The following SHANK2 variants were observed in gnomAD, a reference collection of about 807,000 sequenced individuals.
SHANK2 encodes SH3 and multiple ankyrin repeat domains protein 2.
Under a neutral mutation model 133.7 loss-of-function variants are expected in SHANK2, and 43 were observed. The ratio of observed to expected loss-of-function variants is 0.32; its 90% CI spans 0.25 to 0.41. The LOEUF is 0.41. SHANK2 is among the 10% of genes least tolerant of loss of function. SHANK2 has a pLI of 1.00. For synonymous variants in SHANK2, 1,017 were observed against 952.8 expected (o/e 1.07, Z -1.24); for missense variants, 1,994 against 2,235.8 (o/e 0.89, Z 2.18).
At position 70,869,394 on chromosome 11, in the gene SHANK2, C is replaced by T. The variant is rs112237758; in HGVS notation, c.1174+27107G>A. ...AGGCCACAGAATGCTTGGGATGCAC[C>T]GATCGGCACGTTATTAAACCCACTG... On this transcript the variant is annotated intron_variant, in intron 11 of 25. Coordinates refer to ENST00000601538, the MANE Select transcript of SHANK2 (RefSeq NM_012309.5). Among the ~76,000 whole-genome samples the T allele has an allele frequency of 4.6e-5, 7 of 152,270 alleles. 1 individual carries two copies. Among genetic ancestry groups the T allele is most frequent in the South Asian group, 4.1e-4 (2 of 4,822 alleles).
At chr11:70,835,282 G>C (rs1948795444) in intron 11 of SHANK2, among the ~76,000 whole-genome samples, 1 of 152,156 alleles carries the variant, frequency 6.6e-6, no homozygotes. Flanking sequence ...TCTGAGAGCT[G>C]AGTGACTGTG....
At chr11:70,489,424 C>G in intron 23 of SHANK2, 76 bp from the exon 24 acceptor site, 2 of 1,461,762 alleles carry the variant, frequency 1.4e-6, no homozygotes, top group Middle Eastern at 1.7e-4. Flanking sequence ...TTTGCTGGTG[C>G]AGGGGGAGCT....
At chr11:70,797,162 G>C (rs1459068395) in intron 14 of SHANK2, among the ~76,000 whole-genome samples, 1 of 152,192 alleles carries the variant, frequency 6.6e-6, no homozygotes, top group Admixed American at 6.5e-5. Flanking sequence ...AGCCTGTGCT[G>C]CTTGAAGCTC....
At chr11:71,210,260 A>ATTTT (rs1555118725) in intron 2 of SHANK2, among the ~76,000 whole-genome samples, 1 of 111,634 alleles carries the variant, frequency 9.0e-6, no homozygotes, top group African/African-American at 3.4e-5. Context: ...ATATTTATTT[A>ATTTT]TTTTTTGAAA....
intron 17 of SHANK2, among the ~76,000 whole-genome samples, chr11:70,544,041 A>G (rs782521892): frequency 2.6e-5 from 4 of 152,118 alleles, no homozygotes; most frequent in Non-Finnish European, 5.9e-5. Context: ...AGTCCCCCCA[A>G]ATTTGGCCTC....
At chr11:70,932,900 T>C (rs553453020) in intron 10 of SHANK2, among the ~76,000 whole-genome samples, 134 of 152,328 alleles carry the variant, frequency 8.8e-4, no homozygotes, top group African/African-American at 3.2e-3. Flanking sequence ...CTGGAACTCT[T>C]GCACACTGTG....
intron 3 of SHANK2, among the ~76,000 whole-genome samples, chr11:71,132,455 G>T (rs1302433572): frequency 1.3e-5 from 2 of 152,164 alleles, no homozygotes; most frequent in African/African-American, 4.8e-5. Context: ...TACAGAACTT[G>T]TAGTAATTCC....
At position 70,807,260 on chromosome 11, in the gene SHANK2, G is replaced by A. The variant is rs116180964; in HGVS notation, c.1494-89C>T. The A allele has an allele frequency of 4.3e-3, 2,925 of 677,506 alleles. 69 individuals are homozygous for A. The African/African-American group carries it at 0.045, about 10-fold the overall frequency. 42.0% of individuals were successfully genotyped at this position (677,506 alleles called of 1,614,324 possible). ...ACAAACCACAGCCAAGCCATTCAACGCATGCTGCGCCTCGGCTGGCCGCAT... is the reference window on the plus strand; with the variant it reads ...ACAAACCACAGCCAAGCCATTCAACACATGCTGCGCCTCGGCTGGCCGCAT... On this transcript the variant is annotated intron_variant, in intron 12 of 25. Transcript: ENST00000601538. This position sits in a 1 kb window ranked among gnomAD's most constrained non-coding sequence, Gnocchi z 4.8.
intron 17 of SHANK2, among the ~76,000 whole-genome samples, chr11:70,640,210 C>T (rs998789050): frequency 3.3e-5 from 5 of 152,178 alleles, no homozygotes; most frequent in African/African-American, 1.2e-4. Context: ...AAGTTAAGGA[C>T]CTTGAGATGA....
At chr11:71,075,759 T>C (rs1951210563) in intron 8 of SHANK2, among the ~76,000 whole-genome samples, 1 of 152,128 alleles carries the variant, frequency 6.6e-6, no homozygotes, top group Non-Finnish European at 1.5e-5. Context: ...GTGAGCCCTG[T>C]CCTTCGACGT....
At chr11:70,615,966 C>T (rs959644704) in intron 17 of SHANK2, among the ~76,000 whole-genome samples, 2 of 152,126 alleles carry the variant, frequency 1.3e-5, no homozygotes, top group Non-Finnish European at 2.9e-5. Context: ...CCCCAGCTGT[C>T]CCTGAGAGGG....
At chr11:70,824,014 T>C (rs963348074) in intron 11 of SHANK2, among the ~76,000 whole-genome samples, 3 of 143,244 alleles carry the variant, frequency 2.1e-5, no homozygotes, top group Non-Finnish European at 3.0e-5. Flanking sequence ...AAGGGACACA[T>C]GTGGTGCTGG....
intron 17 of SHANK2, among the ~76,000 whole-genome samples, chr11:70,629,927 A>G (rs1379044463): frequency 6.6e-6 from 1 of 152,190 alleles, no homozygotes; most frequent in Non-Finnish European, 1.5e-5. Context: ...AGACCCAGCT[A>G]CAAAACCCCT....
intron 14 of SHANK2, among the ~76,000 whole-genome samples, chr11:70,794,331 A>G (rs1947863173): frequency 6.6e-6 from 1 of 151,850 alleles, no homozygotes. Context: ...TACATAGCTG[A>G]TATCACAGGC....
At chr11:70,715,781 C>G (rs1945902372) in intron 14 of SHANK2, among the ~76,000 whole-genome samples, 2 of 152,220 alleles carry the variant, frequency 1.3e-5, no homozygotes, top group African/African-American at 4.8e-5. Flanking sequence ...ATGGCTCTCT[C>G]TCCTCTATCT....
intron 10 of SHANK2, among the ~76,000 whole-genome samples, chr11:70,905,426 G>A (rs551823438): frequency 1.3e-5 from 2 of 152,278 alleles, no homozygotes; most frequent in African/African-American, 4.8e-5. Flanking sequence ...ATGTAAGCCT[G>A]CATTCTGAAT....
At chr11:71,100,192 G>A (rs1555096378) in intron 6 of SHANK2, among the ~76,000 whole-genome samples, 8 of 152,192 alleles carry the variant, frequency 5.3e-5, no homozygotes. Context: ...CAGTCACTTT[G>A]GAAGACAGTT....
At position 71,175,584 on chromosome 11, in the gene SHANK2, GAGAGAGAGAGAGAGAGAGAC is replaced by G. The variant is rs1953423485; in HGVS notation, c.-12-28266_-12-28247del. Reference sequence around the variant, plus strand: ...AGAGAGAGAGAGAGAGAGAGAGAGAGAGAGAGAGAGAGAGAGAGACAGAGACAGAGACATCGCTTCCAGCC... The same window carrying G: ...AGAGAGAGAGAGAGAGAGAGAGAGAGAGAGACAGAGACATCGCTTCCAGCC... On this transcript the variant is annotated intron_variant, in intron 2 of 25. Coordinates refer to ENST00000601538, the MANE Select transcript of SHANK2 (RefSeq NM_012309.5). This position sits in a 1 kb window ranked among gnomAD's most constrained non-coding sequence, Gnocchi z 4.2. 2.7e-5 allele frequency among the ~76,000 whole-genome samples: 4 copies of G among 147,516 alleles called. No homozygotes were observed. Among genetic ancestry groups the G allele is most frequent in the African/African-American group, 7.5e-5 (3 of 39,888 alleles).
chr11:70,861,699 C>CA (rs2135503915), intron 11 of SHANK2, among the ~76,000 whole-genome samples: 1 of 152,268 alleles, frequency 6.6e-6, no homozygotes, highest in South Asian at 2.1e-4. Context: ...GCAAATATAG[C>CA]AACCTACAGT....
Sources: gnomAD v4.1 joint callset for allele counts (sites outside exome capture counted in the v4.1 genomes callset) on GRCh38, gnomAD v4.1.1 for gene constraint, Gnocchi (gnomAD v3.1) non-coding constraint, MANE v1.5 for transcripts, NCBI Gene and HGNC (gene_info 2026-07-23, HGNC 2026-07-21) for gene names.